The following IMPG1 variants were observed in gnomAD, a reference collection of about 807,000 sequenced individuals.
IMPG1 encodes interphotoreceptor matrix proteoglycan of 150 kDa.
IMPG1 carries 85 observed loss-of-function variants against 92.0 expected under a neutral mutation model. The observed-to-expected ratio is 0.92, with a 90% CI of 0.78 to 1.11. The LOEUF (loss-of-function observed/expected upper bound fraction) is 1.11. Ranked by LOEUF, IMPG1 falls within the 50% of genes least tolerant of loss-of-function variation. The pLI is 0.00. For missense variants in IMPG1, 1,022 were observed against 956.0 expected, an observed-to-expected ratio of 1.07 and a Z score of -0.91; for synonymous variants, 367 against 334.1, an observed-to-expected ratio of 1.10 and a Z score of -1.08.
intron 1 of IMPG1, among the ~76,000 whole-genome samples, chr6:76,050,945 A>G (rs575550277): frequency 2.0e-4 from 30 of 152,286 alleles, no homozygotes; most frequent in East Asian, 7.7e-4. Context: ...CAAACCCATT[A>G]TGTCTTCCTA....
intron 16 of IMPG1, among the ~76,000 whole-genome samples, chr6:75,923,143 A>G (rs184918049): frequency 2.0e-5 from 3 of 152,110 alleles, no homozygotes; most frequent in Non-Finnish European, 4.4e-5. Context: ...TGATTAAGTG[A>G]ATATTTTAAG....
chr6:75,964,388 G>GA (rs886523149), intron 12 of IMPG1, among the ~76,000 whole-genome samples: 1 of 151,986 alleles, frequency 6.6e-6, no homozygotes, highest in Non-Finnish European at 1.5e-5. Flanking sequence ...TCTCCATAAA[G>GA]AAAAAATAGG....
intron 15 of IMPG1, among the ~76,000 whole-genome samples, chr6:75,924,508 T>C (rs192392702): frequency 0.31 from 22,944 of 74,066 alleles, 4,111 homozygotes; most frequent in Non-Finnish European, 0.4. Flanking sequence ...TTATATAATA[T>C]AATTAATATA....
chr6:76,030,674 C>T (rs1433938459), intron 4 of IMPG1, among the ~76,000 whole-genome samples: 6 of 152,158 alleles, frequency 3.9e-5, no homozygotes, highest in Non-Finnish European at 8.8e-5. Flanking sequence ...CAACCAGAGC[C>T]TCGGACAATG....
intron 5 of IMPG1, among the ~76,000 whole-genome samples, chr6:76,023,801 T>A (rs964422987): frequency 6.6e-6 from 1 of 152,182 alleles, no homozygotes; most frequent in Non-Finnish European, 1.5e-5. Context: ...TAACTTACTC[T>A]AACTTACTAA....
intron 1 of IMPG1, among the ~76,000 whole-genome samples, chr6:76,053,108 TC>T (rs1784069824): frequency 6.6e-6 from 1 of 152,218 alleles, no homozygotes; most frequent in African/African-American, 2.4e-5. Flanking sequence ...TTTTTACTGC[TC>T]TGCCTCCCAA....
At position 75,947,511 on chromosome 6, in the gene IMPG1, T is replaced by C; in HGVS notation, c.1847A>G (p.Asn616Ser). ...TQLLVPYLRSNLTGFKQLEIL... is the reference protein window; with the variant it reads ...TQLLVPYLRSSLTGFKQLEIL... ...TTCAAGTTGCTTAAATCCTGTAAGA[T>C]TGGATCGTAGATATGGAACCAGCTG... Residue 616 changes from asparagine to serine, a missense_variant, in exon 14 of 17, where the codon AAT becomes AGT. By Grantham distance (46) the Asn-to-Ser change is conservative. Coordinates refer to ENST00000369950, the MANE Select transcript of IMPG1 (RefSeq NM_001563.4). 1.9e-6 allele frequency: 3 copies of C among 1,613,586 alleles called. No individual in the cohort carries two copies. Among genetic ancestry groups the C allele is most frequent in the Non-Finnish European group, 2.5e-6 (3 of 1,179,660 alleles).
intron 12 of IMPG1, among the ~76,000 whole-genome samples, chr6:75,988,444 C>T (rs952916735): frequency 6.6e-6 from 1 of 152,110 alleles, no homozygotes; most frequent in Non-Finnish European, 1.5e-5. Flanking sequence ...CTGTTCATAT[C>T]GTTTGCCTAC....
In IMPG1 at chr6:76,072,543, T is replaced by C; in HGVS notation, c.-55A>G. 9.8e-7 allele frequency: 1 copy of C among 1,015,350 alleles called. No homozygotes were observed. The highest frequency in any genetic ancestry group is 1.5e-6 in the Non-Finnish European group (1 of 667,810). 62.9% of individuals were successfully genotyped at this position (1,015,350 alleles called of 1,614,324 possible). On this transcript the variant is annotated 5_prime_UTR_variant, in exon 1 of 17. Coordinates refer to ENST00000369950, the MANE Select transcript of IMPG1 (RefSeq NM_001563.4). Reference sequence around the variant, plus strand: ...AACAATCACAGAACAACCTCAAATCTCATTAAAAAGTAACAGAAATGTGAA... The same window carrying C: ...AACAATCACAGAACAACCTCAAATCCCATTAAAAAGTAACAGAAATGTGAA...
rs1781439179 is a variant in IMPG1 at position 75,922,055 on chromosome 6, G to GAT, written c.*32_*33dup. On this transcript the variant is annotated 3_prime_UTR_variant, in exon 17 of 17. Transcript: ENST00000369950. ...TGAGAAGGCAAATCATCTCTCTTGAGATAGCCTAAATGATAATTGTACATT... is the reference window on the plus strand; with the variant it reads ...TGAGAAGGCAAATCATCTCTCTTGAGATATAGCCTAAATGATAATTGTACATT... 3 of 947,556 alleles carry GAT rather than the reference G, an allele frequency of 3.2e-6. No homozygotes were observed. The highest frequency in any genetic ancestry group is 1.6e-5 in the African/African-American group (1 of 61,928). 58.7% of individuals were successfully genotyped at this position (947,556 alleles called of 1,614,324 possible). A position where few individuals can be genotyped will look rare whatever the true frequency, so the allele number is the denominator to read the frequency against.
chr6:76,067,489 A>G (rs1199710988), intron 1 of IMPG1, among the ~76,000 whole-genome samples: 1 of 152,174 alleles, frequency 6.6e-6, no homozygotes, highest in African/African-American at 2.4e-5. Flanking sequence ...TGAACCAGGA[A>G]GAAATAGAAA....
chr6:75,946,418 C>G (rs2149455778), intron 14 of IMPG1, among the ~76,000 whole-genome samples: 1 of 152,308 alleles, frequency 6.6e-6, no homozygotes, highest in Non-Finnish European at 1.5e-5. Context: ...TAAAGATTCA[C>G]TCCACTAATT....
At chr6:75,937,716 C>T (rs1301835969) in intron 14 of IMPG1, among the ~76,000 whole-genome samples, 11 of 152,036 alleles carry the variant, frequency 7.2e-5, no homozygotes, top group Admixed American at 1.3e-4. Flanking sequence ...TCAGAGATGT[C>T]GAAGGTCTTA....
chr6:75,958,270 G>T (rs1359545234), intron 12 of IMPG1, among the ~76,000 whole-genome samples: 1 of 152,152 alleles, frequency 6.6e-6, no homozygotes, highest in African/African-American at 2.4e-5. Context: ...AATCTGATGG[G>T]CTTCCCTTTG....
intron 2 of IMPG1, among the ~76,000 whole-genome samples, chr6:76,035,495 G>A (rs539815262): frequency 1.9e-3 from 116 of 61,808 alleles, no homozygotes; most frequent in African/African-American, 5.6e-3. Context: ...GCAAAACTCC[G>A]TCTCAAAAAA....
chr6:76,002,209 G>T (rs1055275820), intron 12 of IMPG1, among the ~76,000 whole-genome samples: 1 of 152,122 alleles, frequency 6.6e-6, no homozygotes, highest in African/African-American at 2.4e-5. Context: ...AGGGGTTCTT[G>T]GAGCCACTAA....
intron 12 of IMPG1, among the ~76,000 whole-genome samples, chr6:75,974,401 T>TTTCCTTCC (rs761519920): frequency 1.5e-4 from 14 of 92,818 alleles, no homozygotes; most frequent in African/African-American, 5.0e-4. Flanking sequence ...CTTTTCTTTC[T>TTTCCTTCC]TTCCTTCCTT....
Position 75,923,720 on chromosome 6 carries a change from C to A in IMPG1, c.2244-14G>T, listed in dbSNP as rs1273775420. ...TGATCTGGCAACCTACAAAAGAAAG[C>A]AAAAACATAGTATCTTGTTTCTTGG... On this transcript the variant is annotated splice_polypyrimidine_tract_variant and intron_variant, in intron 15 of 16. Coordinates refer to ENST00000369950, the MANE Select transcript of IMPG1 (RefSeq NM_001563.4). 8.5e-6 allele frequency: 13 copies of A among 1,533,672 alleles called. No homozygotes were observed. The highest frequency in any genetic ancestry group is 1.1e-5 in the South Asian group (1 of 87,710).
At chr6:75,967,350 TG>T (rs1562351720) in intron 12 of IMPG1, among the ~76,000 whole-genome samples, 1 of 152,036 alleles carries the variant, frequency 6.6e-6, no homozygotes, top group South Asian at 2.1e-4. Flanking sequence ...TTTGGTGGGT[TG>T]GGGGTGAGAA....
Sources: gnomAD v4.1 joint callset for allele counts (sites outside exome capture counted in the v4.1 genomes callset) on GRCh38, gnomAD v4.1.1 for gene constraint, MANE v1.5 for transcripts, NCBI Gene and HGNC (gene_info 2026-07-23, HGNC 2026-07-21) for gene names.